ERC2: variants seen among roughly 807,000 people sequenced by gnomAD.
ERC2 encodes ERC protein 2.
A neutral mutation model predicts 114.8 loss-of-function variants in ERC2; 42 were observed. That is an observed-to-expected ratio of 0.37 (90% CI 0.29 to 0.47). The LOEUF (loss-of-function observed/expected upper bound fraction) is 0.47, where lower values mean the gene tolerates loss of function less well. Among genes scored for constraint, ERC2 ranks in the 20% least tolerant of loss-of-function variants. The pLI, the probability that ERC2 is intolerant of heterozygous loss-of-function variation, is 0.99. For missense variants in ERC2, 939 were observed against 1,150.7 expected (o/e 0.82, Z 2.66); for synonymous variants, 454 against 425.5 (o/e 1.07, Z -0.82).
At chr3:56,456,802 A>G (rs1456727828) in intron 1 of ERC2, among the ~76,000 whole-genome samples, 2 of 152,228 alleles carry the variant, frequency 1.3e-5, no homozygotes, top group Non-Finnish European at 2.9e-5. Flanking sequence ...TTGTACAAAT[A>G]TGGTGATGCT....
intron 12 of ERC2, among the ~76,000 whole-genome samples, chr3:55,961,489 C>G (rs2068359243): frequency 6.6e-6 from 1 of 152,158 alleles, no homozygotes; most frequent in South Asian, 2.1e-4. Flanking sequence ...TGCTCCTTTT[C>G]TGTCTTCCTT....
chr3:56,443,193 T>C (rs1576993385), intron 1 of ERC2, among the ~76,000 whole-genome samples: 1 of 152,212 alleles, frequency 6.6e-6, no homozygotes, highest in Admixed American at 6.5e-5. Flanking sequence ...TAAGAGGCTG[T>C]GGAAACACGT....
At chr3:56,264,545 C>A (rs2053160868) in intron 3 of ERC2, among the ~76,000 whole-genome samples, 1 of 148,350 alleles carries the variant, frequency 6.7e-6, no homozygotes, top group South Asian at 2.1e-4. Flanking sequence ...TGCAGTGAGT[C>A]AAGATTACAC....
At chr3:56,307,129 C>A (rs972617465) in intron 2 of ERC2, among the ~76,000 whole-genome samples, 5 of 152,178 alleles carry the variant, frequency 3.3e-5, no homozygotes, top group African/African-American at 1.2e-4. Context: ...CTACCAAGGG[C>A]AGGGGGTGTA....
At chr3:55,859,774 C>G (rs12637417) in intron 14 of ERC2, among the ~76,000 whole-genome samples, 6,258 of 146,504 alleles carry the variant, frequency 0.043, 232 homozygotes, top group African/African-American at 0.1. Flanking sequence ...ATCTAGGTCT[C>G]TGCTTGTGGC....
rs567432485 is a variant in ERC2 at position 55,846,097 on chromosome 3, T to C, written c.2564+42292A>G. On this transcript the variant is annotated intron_variant, in intron 14 of 17. Transcript: ENST00000288221. ...TGTACAGATTATTTCATCACCCAAG[T>C]GCTAAGCCTAATACCCAATAGTTAT... is the stretch of plus-strand genomic sequence containing the variant. Among the ~76,000 whole-genome samples the C allele has an allele frequency of 1.6e-3, 249 of 152,346 alleles. 1 individual carries two copies. The highest frequency in any genetic ancestry group is 5.8e-3 in the African/African-American group (242 of 41,594).
intron 14 of ERC2, among the ~76,000 whole-genome samples, chr3:55,780,167 T>C (rs1245054962): frequency 6.6e-6 from 1 of 152,218 alleles, no homozygotes; most frequent in Non-Finnish European, 1.5e-5. Context: ...AGTATTGTTT[T>C]AGATATTCCA....
intron 6 of ERC2, among the ~76,000 whole-genome samples, chr3:56,087,840 A>C (rs2077585186): frequency 1.3e-5 from 2 of 152,176 alleles, no homozygotes; most frequent in African/African-American, 4.8e-5. Flanking sequence ...AATTTGATTC[A>C]ACCTGCAATC....
rs1219619897 is a variant in ERC2, at chr3:55,951,590, G to A, written c.2268-1030C>T. Among the ~76,000 whole-genome samples, 5 of 152,310 alleles carry A rather than the reference G, an allele frequency of 3.3e-5. No individual in the cohort carries two copies. In the South Asian group the frequency reaches 8.3e-4, roughly 25 times the overall value. ...TTAGGCAACCATGTCCACAGCAGCT[G>A]TCATAAATCTAATCCAACACATGAG... is the stretch of plus-strand genomic sequence containing the variant. On this transcript the variant is annotated intron_variant, in intron 12 of 17. Coordinates refer to ENST00000288221, the MANE Select transcript of ERC2 (RefSeq NM_015576.3).
intron 17 of ERC2, among the ~76,000 whole-genome samples, chr3:55,672,920 C>T (rs1226151976): frequency 6.6e-6 from 1 of 152,178 alleles, no homozygotes; most frequent in Non-Finnish European, 1.5e-5. Context: ...GTCCGGGCTC[C>T]ATCAGCATGT....
intron 15 of ERC2, among the ~76,000 whole-genome samples, chr3:55,728,439 T>C (rs930018662): frequency 6.6e-6 from 1 of 152,038 alleles, no homozygotes; most frequent in Non-Finnish European, 1.5e-5. Context: ...TGGACTGAGA[T>C]TGAATGGATG....
chr3:55,513,622 G>GTATA (rs144573257), intron 17 of ERC2, among the ~76,000 whole-genome samples: 2,042 of 150,548 alleles, frequency 0.014, 40 homozygotes, highest in African/African-American at 0.045. Context: ...GTGCATGTAT[G>GTATA]TATATATATA....
intron 14 of ERC2, among the ~76,000 whole-genome samples, chr3:55,883,819 C>T (rs1422505179): frequency 1.3e-5 from 2 of 151,946 alleles, no homozygotes; most frequent in African/African-American, 4.8e-5. Context: ...ACCCAGGAGG[C>T]AGAGCTTGCA....
chr3:55,910,962 A>G (rs948927470), intron 13 of ERC2, among the ~76,000 whole-genome samples: 2 of 152,222 alleles, frequency 1.3e-5, no homozygotes, highest in African/African-American at 2.4e-5. Context: ...TATGCCAGGG[A>G]TGAGGGATGC....
intron 17 of ERC2, among the ~76,000 whole-genome samples, chr3:55,575,774 A>G (rs1164319094): frequency 6.6e-6 from 1 of 152,182 alleles, no homozygotes; most frequent in African/African-American, 2.4e-5. Context: ...CTGAAACAGT[A>G]CAGCTTTAGG....
chr3:56,285,529 C>T (rs950766747), intron 3 of ERC2, among the ~76,000 whole-genome samples: 2 of 152,108 alleles, frequency 1.3e-5, no homozygotes, highest in Non-Finnish European at 1.5e-5. Flanking sequence ...AGGCAGTCTT[C>T]CCCCAATACT....
At chr3:56,121,220 T>C (rs1575497178) in intron 6 of ERC2, among the ~76,000 whole-genome samples, 2 of 152,346 alleles carry the variant, frequency 1.3e-5, no homozygotes, top group East Asian at 3.9e-4. Context: ...TATGTCTGTA[T>C]GTATGTTTGT....
intron 3 of ERC2, among the ~76,000 whole-genome samples, chr3:56,176,137 A>T (rs2082962979): frequency 6.6e-6 from 1 of 152,240 alleles, no homozygotes; most frequent in African/African-American, 2.4e-5. Flanking sequence ...AAGTGTTAGA[A>T]GAAATTCATT....
In ERC2 at chr3:55,870,673, G is replaced by T. The variant is rs199591955; in HGVS notation, c.2564+17716C>A. On this transcript the variant is annotated intron_variant, in intron 14 of 17. Transcript: ENST00000288221. The stretch of plus-strand genomic sequence containing the variant: ...CTAATGCAACCCTCATCACCCAGGG[G>T]TCAAGCAGATACTAAGAGACCCATT... Among the ~76,000 whole-genome samples the T allele has an allele frequency of 9.9e-5, 15 of 152,224 alleles. No individual in the cohort carries two copies. In the East Asian group the frequency reaches 2.9e-3, roughly 30 times the overall value.
Sources: gnomAD v4.1 joint callset for allele counts (sites outside exome capture counted in the v4.1 genomes callset) on GRCh38, gnomAD v4.1.1 for gene constraint, MANE v1.5 for transcripts, NCBI Gene and HGNC (gene_info 2026-07-23, HGNC 2026-07-21) for gene names.